The following LRMDA variants were observed in gnomAD, a reference collection of about 807,000 sequenced individuals.
LRMDA encodes the protein leucine-rich melanocyte differentiation-associated protein.
Under a neutral mutation model 29.8 loss-of-function variants are expected in LRMDA, and 18 were observed. The observed-to-expected ratio is 0.60, with a 90% CI of 0.42 to 0.90. The LOEUF (loss-of-function observed/expected upper bound fraction) is 0.90, where lower values mean the gene tolerates loss of function less well. Among genes scored for constraint, LRMDA ranks in the 40% least tolerant of loss-of-function variants. The pLI is 0.00. For synonymous variants in LRMDA, 125 were observed against 109.4 expected, an observed-to-expected ratio of 1.14 and a Z score of -0.89; for missense variants, 273 against 273.9, an observed-to-expected ratio of 1.00 and a Z score of 0.02.
At chr10:75,475,174 T>A (rs900547603) in intron 2 of LRMDA, among the ~76,000 whole-genome samples, 11 of 152,258 alleles carry the variant, frequency 7.2e-5, no homozygotes, top group Admixed American at 1.3e-4. Flanking sequence ...GTTGGGCACA[T>A]GTGGAATTCT....
intron 2 of LRMDA, among the ~76,000 whole-genome samples, chr10:75,929,329 G>A (rs1846172955): frequency 7.3e-6 from 1 of 137,368 alleles, no homozygotes; most frequent in Non-Finnish European, 1.6e-5. Context: ...GAATGCGTTT[G>A]TGCATATGTT....
chr10:75,989,950 G>T (rs1847337180), intron 2 of LRMDA, among the ~76,000 whole-genome samples: 1 of 152,134 alleles, frequency 6.6e-6, no homozygotes, highest in African/African-American at 2.4e-5. Flanking sequence ...CCGCTCCTGA[G>T]ACCCCACAGG....
intron 2 of LRMDA, among the ~76,000 whole-genome samples, chr10:75,616,613 ATTATC>A (rs910721217): frequency 2.3e-4 from 35 of 152,172 alleles, no homozygotes; most frequent in African/African-American, 7.7e-4. Flanking sequence ...CATGTTTTGT[ATTATC>A]TTCTTTACTA....
intron 5 of LRMDA, among the ~76,000 whole-genome samples, chr10:76,323,722 G>A (rs10509367): frequency 0.04 from 6,061 of 152,236 alleles, 225 homozygotes; most frequent in African/African-American, 0.099. Context: ...CAGTTCTATG[G>A]TTAAAGAGTT....
At chr10:76,369,157 T>A (rs1358042611) in intron 6 of LRMDA, among the ~76,000 whole-genome samples, 1 of 152,152 alleles carries the variant, frequency 6.6e-6, no homozygotes, top group African/African-American at 2.4e-5. Context: ...TTGTTGCCCA[T>A]GTACTTGGTT....
chr10:76,556,888 G>A (rs1278092536), intron 6 of LRMDA, among the ~76,000 whole-genome samples: 1 of 152,152 alleles, frequency 6.6e-6, no homozygotes, highest in Non-Finnish European at 1.5e-5. Context: ...AAGGGAAACT[G>A]GCGTGAGGAG....
At chr10:75,846,120 A>G (rs537513660) in intron 2 of LRMDA, among the ~76,000 whole-genome samples, 1 of 151,556 alleles carries the variant, frequency 6.6e-6, no homozygotes, top group South Asian at 2.1e-4. Flanking sequence ...AATAAGAAGT[A>G]ATGCATTTAC....
chr10:75,899,003 C>G (rs772064312), intron 2 of LRMDA, among the ~76,000 whole-genome samples: 9 of 152,184 alleles, frequency 5.9e-5, no homozygotes, highest in African/African-American at 9.7e-5. Context: ...GGTACATGCT[C>G]TATACCTGGC....
At chr10:75,977,033 C>T (rs916515287) in intron 2 of LRMDA, among the ~76,000 whole-genome samples, 1 of 151,914 alleles carries the variant, frequency 6.6e-6, no homozygotes, top group Non-Finnish European at 1.5e-5. Context: ...ATGAAATGCC[C>T]CATAACCGTA....
intron 5 of LRMDA, among the ~76,000 whole-genome samples, chr10:76,261,443 C>T (rs563630019): frequency 2.6e-5 from 4 of 151,952 alleles, no homozygotes; most frequent in Admixed American, 6.6e-5. Context: ...GGCTCATGTC[C>T]ATCAGAATCA....
intron 6 of LRMDA, among the ~76,000 whole-genome samples, chr10:76,445,341 A>G (rs1308514464): frequency 6.6e-6 from 1 of 152,190 alleles, no homozygotes; most frequent in Non-Finnish European, 1.5e-5. Context: ...TCCAACCAGC[A>G]CAGTCCCTCT....
chr10:75,660,673 AGAAT>A (rs1223649691), intron 2 of LRMDA, among the ~76,000 whole-genome samples: 1 of 152,194 alleles, frequency 6.6e-6, no homozygotes, highest in Non-Finnish European at 1.5e-5. Flanking sequence ...TCAAAAACAG[AGAAT>A]GAATGAGCAT....
At chr10:75,526,858 C>CA (rs57071985) in intron 2 of LRMDA, among the ~76,000 whole-genome samples, 3,055 of 133,466 alleles carry the variant, frequency 0.023, 58 homozygotes, top group Admixed American at 0.039. Flanking sequence ...GGCCCTATCT[C>CA]AAAAAAAAAA....
chr10:75,802,079 T>A (rs1843752420), intron 2 of LRMDA, among the ~76,000 whole-genome samples: 1 of 152,124 alleles, frequency 6.6e-6, no homozygotes, highest in African/African-American at 2.4e-5. Context: ...AACACAGGCA[T>A]GCTGAGGCAG....
chr10:75,552,442 C>T, intron 2 of LRMDA: 4 of 278,450 alleles, frequency 1.4e-5, no homozygotes, highest in South Asian at 2.9e-5. Flanking sequence ...CCTCTGGCTG[C>T]TTTCAGAATT....
intron 1 of LRMDA, among the ~76,000 whole-genome samples, chr10:75,432,833 G>C (rs1488127954): frequency 6.6e-6 from 1 of 152,144 alleles, no homozygotes; most frequent in Non-Finnish European, 1.5e-5. Context: ...GAGTCCTGTC[G>C]TTTCATCAGG....
intron 2 of LRMDA, among the ~76,000 whole-genome samples, chr10:75,873,266 C>T (rs1187602415): frequency 1.3e-5 from 2 of 152,312 alleles, no homozygotes; most frequent in South Asian, 2.1e-4. Flanking sequence ...TCATTTCTAA[C>T]AGCTGTAAAA....
chr10:75,778,384 G>A (rs927648306), intron 2 of LRMDA, among the ~76,000 whole-genome samples: 9 of 152,124 alleles, frequency 5.9e-5, no homozygotes, highest in Admixed American at 6.5e-5. Context: ...GGCCTTGTCC[G>A]TCTATTTTTT....
intron 5 of LRMDA, among the ~76,000 whole-genome samples, chr10:76,157,459 A>T (rs961794802): frequency 6.6e-5 from 10 of 152,136 alleles, no homozygotes; most frequent in Non-Finnish European, 1.2e-4. Context: ...AAAGTTTTTT[A>T]AAAAATTAGC....
Sources: gnomAD v4.1 joint callset for allele counts (sites outside exome capture counted in the v4.1 genomes callset) on GRCh38, gnomAD v4.1.1 for gene constraint, MANE v1.5 for transcripts, NCBI Gene and HGNC (gene_info 2026-07-23, HGNC 2026-07-21) for gene names.